Variants in RANBP17 observed in about 807,000 individuals in gnomAD.
RANBP17 encodes the protein RAN binding protein 17, also known as ran-binding protein 17.
Under a neutral mutation model 141.2 loss-of-function variants are expected in RANBP17, and 158 were observed. The ratio of observed to expected loss-of-function variants is 1.12; its 90% CI spans 0.98 to 1.28. The LOEUF is 1.28. Among genes scored for constraint, RANBP17 ranks in the 50% most tolerant of loss-of-function variants. The probability of loss-of-function intolerance (pLI) is 0.00; values close to 1 mark genes in which losing one functional copy is unlikely to be tolerated. For synonymous variants in RANBP17, 430 were observed against 450.0 expected, an observed-to-expected ratio of 0.96 and a Z score of 0.56; for missense variants, 1,438 against 1,290.7, an observed-to-expected ratio of 1.11 and a Z score of -1.75.
intron 14 of RANBP17, among the ~76,000 whole-genome samples, chr5:170,972,533 C>T (rs1382224425): frequency 6.6e-6 from 1 of 151,992 alleles, no homozygotes; most frequent in Non-Finnish European, 1.5e-5. Context: ...CATAATGACA[C>T]ATATAGTTCT....
intron 14 of RANBP17, among the ~76,000 whole-genome samples, chr5:170,998,754 T>A (rs1018658363): frequency 6.6e-6 from 1 of 152,172 alleles, no homozygotes. Context: ...AAAATACATA[T>A]TAGAGGGATA....
chr5:170,936,877 T>A lies in RANBP17; in HGVS notation c.1468+12327T>A, dbSNP rs376486068. Among the ~76,000 whole-genome samples the A allele has an allele frequency of 1.8e-3, 275 of 152,330 alleles. 1 individual carries two copies. The highest frequency in any genetic ancestry group is 6.2e-3 in the African/African-American group (257 of 41,578). Reference sequence around the variant, plus strand: ...CTTAAATTTTTGTATCATGTAAACATTTGTGATTGTTATGTCTTCCTTATT... The same window carrying A: ...CTTAAATTTTTGTATCATGTAAACAATTGTGATTGTTATGTCTTCCTTATT... On this transcript the variant is annotated intron_variant, in intron 12 of 27. Transcript: ENST00000523189.
intron 27 of RANBP17, among the ~76,000 whole-genome samples, chr5:171,297,749 G>C (rs142455827): frequency 2.0e-5 from 3 of 149,568 alleles, no homozygotes; most frequent in Non-Finnish European, 1.5e-5. Context: ...TTTAATGAGA[G>C]TAATAGGCAG....
intron 14 of RANBP17, among the ~76,000 whole-genome samples, chr5:171,104,852 TTGA>T (rs1430824772): frequency 6.6e-6 from 1 of 152,206 alleles, no homozygotes; most frequent in Non-Finnish European, 1.5e-5. Flanking sequence ...GATGTTTCTG[TTGA>T]TGATGTTGTC....
intron 14 of RANBP17, among the ~76,000 whole-genome samples, chr5:171,008,053 C>G (rs188089962): frequency 9.2e-5 from 14 of 152,248 alleles, no homozygotes; most frequent in Non-Finnish European, 2.1e-4. Flanking sequence ...TGATCAGACA[C>G]CAGTGGAATA....
intron 14 of RANBP17, among the ~76,000 whole-genome samples, chr5:171,097,398 G>A (rs1239121417): frequency 6.6e-6 from 1 of 151,894 alleles, no homozygotes; most frequent in Non-Finnish European, 1.5e-5. Flanking sequence ...TAAGCTCCTT[G>A]GAGCACAGCT....
intron 25 of RANBP17, among the ~76,000 whole-genome samples, chr5:171,289,832 C>A (rs1262795827): frequency 6.6e-6 from 1 of 151,782 alleles, no homozygotes; most frequent in Non-Finnish European, 1.5e-5. Flanking sequence ...GAGTTTGAGA[C>A]CAGCCAGGCC....
chr5:171,006,405 A>G lies in RANBP17; in HGVS notation c.1710+38028A>G, dbSNP rs1419844035. Among the ~76,000 whole-genome samples the G allele has an allele frequency of 4.6e-5, 7 of 152,330 alleles. 1 individual carries two copies. Among genetic ancestry groups the G allele is most frequent in the African/African-American group, 1.7e-4 (7 of 41,580 alleles). On this transcript the variant is annotated intron_variant, in intron 14 of 27. Transcript: ENST00000523189. The stretch of plus-strand genomic sequence containing the variant: ...ATGTGGCACATATACACCATGGAAT[A>G]CTATGCAGCCATAAAAAATTATGAG...
At chr5:170,865,301 G>A (rs990292867) in intron 1 of RANBP17, among the ~76,000 whole-genome samples, 1 of 152,280 alleles carries the variant, frequency 6.6e-6, no homozygotes, top group East Asian at 1.9e-4. Flanking sequence ...GACCTCAGGT[G>A]ATCCGCCCAC....
At chr5:171,054,357 G>A (rs1016306735) in intron 14 of RANBP17, among the ~76,000 whole-genome samples, 1 of 152,132 alleles carries the variant, frequency 6.6e-6, no homozygotes, top group African/African-American at 2.4e-5. Flanking sequence ...CTAAACAAGG[G>A]ATTGATTATT....
At chr5:171,247,579 A>G (rs537335058) in intron 24 of RANBP17, among the ~76,000 whole-genome samples, 1 of 152,296 alleles carries the variant, frequency 6.6e-6, no homozygotes, top group South Asian at 2.1e-4. Context: ...AATTTTAGTT[A>G]ATTTCATTCA....
intron 13 of RANBP17, among the ~76,000 whole-genome samples, chr5:170,963,336 A>G (rs1022788235): frequency 1.3e-5 from 2 of 152,236 alleles, no homozygotes; most frequent in African/African-American, 4.8e-5. Context: ...ATCTCAGTGT[A>G]TCATAGAGGT....
intron 25 of RANBP17, among the ~76,000 whole-genome samples, chr5:171,268,601 C>T (rs1364336253): frequency 2.0e-5 from 3 of 151,988 alleles, no homozygotes; most frequent in Non-Finnish European, 2.9e-5. Context: ...TGTCACAGCC[C>T]TCATGTGTTT....
chr5:171,290,051 T>A (rs900385585), intron 25 of RANBP17, among the ~76,000 whole-genome samples: 1 of 150,684 alleles, frequency 6.6e-6, no homozygotes, highest in African/African-American at 2.4e-5. Flanking sequence ...TAGTGAGCAT[T>A]TAGTTACCGC....
chr5:171,221,047 T>G (rs1351057534), intron 21 of RANBP17, among the ~76,000 whole-genome samples: 1 of 152,210 alleles, frequency 6.6e-6, no homozygotes, highest in Non-Finnish European at 1.5e-5. Context: ...TGCTAATCCT[T>G]TTTTCAAAAT....
At chr5:170,954,984 G>A (rs1775503814) in intron 13 of RANBP17, among the ~76,000 whole-genome samples, 1 of 152,122 alleles carries the variant, frequency 6.6e-6, no homozygotes, top group African/African-American at 2.4e-5. Context: ...CAGATCAGCA[G>A]GGACATAGAT....
At chr5:171,179,644 A>G (rs1430079175) in intron 16 of RANBP17, among the ~76,000 whole-genome samples, 6 of 152,172 alleles carry the variant, frequency 3.9e-5, no homozygotes, top group Non-Finnish European at 1.5e-5. Flanking sequence ...TATCTAGTAC[A>G]CTAATATAAT....
rs567949893 is a variant in RANBP17, at chr5:171,091,909, A to C, written c.1711-78221A>C. On this transcript the variant is annotated intron_variant, in intron 14 of 27. Transcript: ENST00000523189. Reference sequence around the variant, plus strand: ...TCTTGGGTATGTCTTTATCAATAGCATGAAAACAGACTAATACACCAGCTT... The same window carrying C: ...TCTTGGGTATGTCTTTATCAATAGCCTGAAAACAGACTAATACACCAGCTT... Among the ~76,000 whole-genome samples, 16 of 152,328 alleles carry C rather than the reference A, an allele frequency of 1.1e-4. No homozygotes were observed. In the South Asian group the frequency reaches 2.5e-3, roughly 24 times the overall value.
Position 171,241,028 on chromosome 5 carries a change from G to A in RANBP17, c.2523G>A (p.Leu841=), listed in dbSNP as rs1764845493. 4 of 1,613,806 alleles carry A rather than the reference G, an allele frequency of 2.5e-6. No individual in the cohort carries two copies. Among genetic ancestry groups the A allele is most frequent in the Non-Finnish European group, 3.4e-6 (4 of 1,179,900 alleles). The part of the protein sequence containing the change: ...SICYSALKSA[L]CGNYVSFGVF... The stretch of plus-strand genomic sequence containing the variant: ...GCTATTCAGCTCTCAAGTCTGCCTT[G>A]TGTGGAAATTATGTCAGCTTTGGCG... Residue 841 remains leucine, a synonymous_variant, in exon 23 of 28, where the codon TTG becomes TTA. Coordinates refer to ENST00000523189, the MANE Select transcript of RANBP17 (RefSeq NM_022897.5).
Sources: allele counts gnomAD v4.1 joint callset (sites outside exome capture counted in the v4.1 genomes callset), GRCh38; gene constraint gnomAD v4.1.1; transcripts MANE v1.5; gene names NCBI Gene and HGNC (gene_info 2026-07-23, HGNC 2026-07-21).